Variants in CFAP77 observed in about 807,000 individuals in gnomAD.
CFAP77 encodes the protein cilia- and flagella-associated protein 77.
In CFAP77, 25 loss-of-function variants were observed where a neutral mutation model predicts 31.1. The observed-to-expected ratio is 0.80, with a 90% confidence interval of 0.59 to 1.12. CFAP77 has a LOEUF of 1.12. Among genes scored for constraint, CFAP77 ranks in the 50% most tolerant of loss-of-function variants. The pLI, the probability that CFAP77 is intolerant of heterozygous loss-of-function variation, is 0.00. For synonymous variants in CFAP77, 151 were observed against 159.9 expected (o/e 0.94, Z 0.42); for missense variants, 377 against 397.3 (o/e 0.95, Z 0.44).
rs750691279 is a variant in CFAP77, at chr9:132,529,507, T to TAAA, written c.525-8084_525-8082dup. ...ATGTACCCTAAAACTTAGAGTATAATAAAAAAAAAAAACAAAAAAAAAACT... is the reference window on the plus strand; with the variant it reads ...ATGTACCCTAAAACTTAGAGTATAATAAAAAAAAAAAAAAACAAAAAAAAAACT... On this transcript the variant is annotated intron_variant, in intron 3 of 5. Transcript: ENST00000393216. 1.1e-3 allele frequency among the ~76,000 whole-genome samples: 115 copies of TAAA among 108,798 alleles called. 4 individuals carry two copies. The highest frequency in any genetic ancestry group is 3.6e-3 in the African/African-American group (107 of 30,006). The allele number at this position is 108,798 out of a possible 152,430, so 71.4% of individuals were successfully genotyped here.
chr9:132,424,674 C>A lies in CFAP77; in HGVS notation c.195+14208C>A, dbSNP rs1850284058. 6.6e-6 allele frequency among the ~76,000 whole-genome samples: 1 copy of A among 152,150 alleles called. No individual in the cohort carries two copies. Reference sequence around the variant, plus strand: ...AAGGAGCCTTCACTTTGGGTGTCACCACTTGAAAGTTTAAAGAAGAGACTC... The same window carrying A: ...AAGGAGCCTTCACTTTGGGTGTCACAACTTGAAAGTTTAAAGAAGAGACTC... On this transcript the variant is annotated intron_variant, in intron 1 of 5. Coordinates refer to ENST00000393216, the MANE Select transcript of CFAP77 (RefSeq NM_001282957.2). This position sits in a 1 kb window ranked among gnomAD's most constrained non-coding sequence, Gnocchi z 4.1.
At chr9:132,519,774 GGATA>G (rs1852233264) in intron 3 of CFAP77, among the ~76,000 whole-genome samples, 7 of 147,760 alleles carry the variant, frequency 4.7e-5, no homozygotes, top group South Asian at 4.4e-4. Context: ...ATGGATGGGT[GGATA>G]GATGGATGGA....
chr9:132,512,090 AG>A (rs1161171770), intron 3 of CFAP77, among the ~76,000 whole-genome samples: 4 of 151,308 alleles, frequency 2.6e-5, no homozygotes, highest in Non-Finnish European at 5.9e-5. Flanking sequence ...ATCCTTTCCT[AG>A]CTCTGGAAGC....
At chr9:132,440,844 G>C (rs1037015265) in intron 1 of CFAP77, among the ~76,000 whole-genome samples, 2 of 152,220 alleles carry the variant, frequency 1.3e-5, no homozygotes, top group Non-Finnish European at 2.9e-5. Flanking sequence ...GTCGGACGCT[G>C]CAAGCTGTGC....
rs1487733297 is a variant in CFAP77 at position 132,539,101 on chromosome 9, TAAATA to T, written c.630+1399_630+1403del. ...GACTCCGTCTCGATAAAAAAATAAA[TAAATA>T]AAAATAAATAAATAAAATAGTACTT... On this transcript the variant is annotated intron_variant, in intron 4 of 5. Transcript: ENST00000393216. This position sits in a 1 kb window ranked among gnomAD's most constrained non-coding sequence, Gnocchi z 4.3. Among the ~76,000 whole-genome samples, 2 of 151,920 alleles carry T rather than the reference TAAATA, an allele frequency of 1.3e-5. No individual in the cohort carries two copies. The highest frequency in any genetic ancestry group is 4.8e-5 in the African/African-American group (2 of 41,378).
rs750691279 is a variant in CFAP77 at position 132,529,507 on chromosome 9, T to TAAAAAAAAAAAAAAA, written c.525-8082_525-8081insAAAAAAAAAAAAAAA. On this transcript the variant is annotated intron_variant, in intron 3 of 5. Transcript: ENST00000393216. ...ATGTACCCTAAAACTTAGAGTATAA[T>TAAAAAAAAAAAAAAA]AAAAAAAAAAAACAAAAAAAAAACT... Among the ~76,000 whole-genome samples the TAAAAAAAAAAAAAAA allele has an allele frequency of 4.7e-4, 51 of 108,786 alleles. 2 individuals carry two copies. Among genetic ancestry groups the TAAAAAAAAAAAAAAA allele is most frequent in the African/African-American group, 1.4e-3 (43 of 29,992 alleles). 71.4% of individuals were successfully genotyped at this position (108,786 alleles called of 152,430 possible).
intron 1 of CFAP77, among the ~76,000 whole-genome samples, chr9:132,410,794 AGTGAACCCACAGG>A (rs1239182134): frequency 6.6e-6 from 1 of 152,194 alleles, no homozygotes; most frequent in African/African-American, 2.4e-5. Flanking sequence ...TTTCCCACAG[AGTGAACCCACAGG>A]GTGACAGATA....
intron 1 of CFAP77, among the ~76,000 whole-genome samples, chr9:132,441,486 T>C (rs1188222698): frequency 6.6e-6 from 1 of 152,114 alleles, no homozygotes; most frequent in East Asian, 1.9e-4. Flanking sequence ...GGGAGAAGAA[T>C]AGCATATTTC....
chr9:132,537,488 T>G (rs1589914280), intron 3 of CFAP77, 113 bp from the exon 4 acceptor site: 3 of 676,152 alleles, frequency 4.4e-6, no homozygotes, highest in African/African-American at 1.8e-5. Flanking sequence ...GAGGTGGGAG[T>G]GATGTACCCC....
At chr9:132,504,466 A>G (rs1484777249) in intron 3 of CFAP77, among the ~76,000 whole-genome samples, 1 of 152,268 alleles carries the variant, frequency 6.6e-6, no homozygotes, top group Non-Finnish European at 1.5e-5. Flanking sequence ...TGGGCTTTGC[A>G]TATGCAAATT....
intron 1 of CFAP77, among the ~76,000 whole-genome samples, chr9:132,493,862 C>CTCTTT (rs935929505): frequency 1.3e-5 from 2 of 151,144 alleles, no homozygotes; most frequent in African/African-American, 2.4e-5. Context: ...CTTTTCTTTT[C>CTCTTT]TCTTTTCTTT....
At chr9:132,485,985 C>CATATAT (rs61265124) in intron 1 of CFAP77, among the ~76,000 whole-genome samples, 26 of 53,538 alleles carry the variant, frequency 4.9e-4, no homozygotes, top group South Asian at 6.8e-4. Context: ...ACACACACCT[C>CATATAT]ATATATATAT....
At position 132,511,359 on chromosome 9, in the gene CFAP77, G is replaced by A. The variant is rs533214417; in HGVS notation, c.524+11759G>A. Among the ~76,000 whole-genome samples, 3 of 152,264 alleles carry A rather than the reference G, an allele frequency of 2.0e-5. No individual in the cohort carries two copies. Among genetic ancestry groups the A allele is most frequent in the Non-Finnish European group, 4.4e-5 (3 of 68,006 alleles). On this transcript the variant is annotated intron_variant, in intron 3 of 5. Coordinates refer to ENST00000393216, the MANE Select transcript of CFAP77 (RefSeq NM_001282957.2). This position sits in a 1 kb window ranked among gnomAD's most constrained non-coding sequence, Gnocchi z 5.8. ...CACCTTGCCTGGCGGAGGCCTCACC[G>A]TCCTTCAGACACTCCTGTGTCTCTT...
intron 5 of CFAP77, among the ~76,000 whole-genome samples, chr9:132,553,776 C>T (rs1003891035): frequency 1.3e-5 from 2 of 152,220 alleles, no homozygotes; most frequent in African/African-American, 2.4e-5. Context: ...GCATTCTCTA[C>T]CTTTATCCAC....
intron 1 of CFAP77, among the ~76,000 whole-genome samples, chr9:132,435,738 GTGTCCAGCATGA>G (rs1850495194): frequency 1.3e-5 from 2 of 152,238 alleles, no homozygotes; most frequent in South Asian, 2.1e-4. Flanking sequence ...GTATCGAATG[GTGTCCAGCATGA>G]CCTCACCCTT....
chr9:132,509,585 AT>A (rs1802068108), intron 3 of CFAP77, among the ~76,000 whole-genome samples: 2 of 152,212 alleles, frequency 1.3e-5, no homozygotes, highest in Admixed American at 6.5e-5. Flanking sequence ...CCTGGGCAAC[AT>A]GATGAAACCT....
At chr9:132,493,590 G>T (rs1851686045) in intron 1 of CFAP77, among the ~76,000 whole-genome samples, 1 of 152,208 alleles carries the variant, frequency 6.6e-6, no homozygotes, top group Non-Finnish European at 1.5e-5. Context: ...GGTGTGAAGG[G>T]TACACGTTGG....
Position 132,499,434 on chromosome 9 carries a change from T to A in CFAP77, c.358T>A (p.Tyr120Asn). 6.2e-7 allele frequency: 1 copy of A among 1,614,124 alleles called. No homozygotes were observed. The highest frequency in any genetic ancestry group is 8.5e-7 in the Non-Finnish European group (1 of 1,180,018). ...CTGCCCCCACGAGCTGACCCGGAATTATATCGCAATGAACCGCGGGGCGGT... is the reference window on the plus strand; with the variant it reads ...CTGCCCCCACGAGCTGACCCGGAATAATATCGCAATGAACCGCGGGGCGGT... ...PTCPHELTRN[Y>N]IAMNRGAVKA... is the part of the protein sequence containing the mutation. Residue 120 changes from tyrosine (Y) to asparagine (N), a missense_variant, in exon 3 of 6, where the codon TAT becomes AAT. Coordinates refer to ENST00000393216, the MANE Select transcript of CFAP77 (RefSeq NM_001282957.2). This position sits in a 1 kb window ranked among gnomAD's most constrained non-coding sequence, Gnocchi z 5.4.
rs971340052 is a variant in CFAP77 at position 132,544,161 on chromosome 9, C to G, written c.732+1114C>G. 1.1e-4 allele frequency among the ~76,000 whole-genome samples: 16 copies of G among 152,380 alleles called. No individual in the cohort carries two copies. In the East Asian group the frequency reaches 1.7e-3, roughly 17 times the overall value. On this transcript the variant is annotated intron_variant, in intron 5 of 5. Coordinates refer to ENST00000393216, the MANE Select transcript of CFAP77 (RefSeq NM_001282957.2). ...TCACCGGAGAAACCTGCTCTGCCCC[C>G]CCTTGACGCGGCCTCTCATGTCCTG...
Sources: allele counts gnomAD v4.1 joint callset (sites outside exome capture counted in the v4.1 genomes callset), GRCh38; gene constraint gnomAD v4.1.1; non-coding constraint Gnocchi (gnomAD v3.1); transcripts MANE v1.5; gene names NCBI Gene and HGNC (gene_info 2026-07-23, HGNC 2026-07-21).